The following MYOF variants were observed in gnomAD, a reference collection of about 807,000 sequenced individuals.
The protein encoded by MYOF is myoferlin.
In MYOF, 244 loss-of-function variants were observed where a neutral mutation model predicts 284.2. The ratio of observed to expected loss-of-function variants is 0.86; its 90% CI spans 0.77 to 0.95. The LOEUF is 0.95. Ranked by LOEUF, MYOF falls within the 40% of genes least tolerant of loss-of-function variation. The pLI is 0.00. For synonymous variants in MYOF, 904 were observed against 919.7 expected (o/e 0.98, Z 0.31); for missense variants, 2,496 against 2,560.6 (o/e 0.97, Z 0.54).
chr10:93,313,186 T>C lies in MYOF; in HGVS notation c.5723A>G (p.His1908Arg). The change falls in exon 51 of 54, where the codon CAC becomes CGC. Residue 1908 changes from histidine (H) to arginine (R), a missense_variant. Physicochemically the swap from His to Arg is conservative, Grantham distance 29. Around this residue, in one of 3 missense-constraint regions of MYOF, gnomAD observed 2,436 missense variants for 2,480.7 expected, o/e 0.98. Transcript: ENST00000359263. ...TGGTGATTTTGCAGGAATGATCGTG[T>C]GACGCAAGTCAAGTTCTAGGAAACC... is the stretch of plus-strand genomic sequence containing the variant. The part of the protein sequence containing the change: ...YLGFLELDLR[H>R]TIIPAKSPEK... The C allele has an allele frequency of 6.2e-7, 1 of 1,613,710 alleles. No homozygotes were observed. The highest frequency in any genetic ancestry group is 8.5e-7 in the Non-Finnish European group (1 of 1,179,864).
Position 93,306,878 on chromosome 10 carries a change from GAC to G in MYOF, c.*83_*84del, listed in dbSNP as rs1386123835. On this transcript the variant is annotated 3_prime_UTR_variant, in exon 54 of 54. Transcript: ENST00000359263. ...AACCTGCTACTGGGGTGTGGTCTCA[GAC>G]ACAAAATCACACTGGATGTTGGTCT... is the stretch of plus-strand genomic sequence containing the variant. 1 of 1,417,010 alleles carries G rather than the reference GAC, an allele frequency of 7.1e-7. No individual in the cohort carries two copies. The highest frequency in any genetic ancestry group is 1.4e-5 in the African/African-American group (1 of 70,480). The allele number at this position is 1,417,010 out of a possible 1,614,324, so 87.8% of individuals were successfully genotyped here. A position where few individuals can be genotyped will look rare whatever the true frequency, so the allele number is the denominator to read the frequency against.
rs1844654608 is a variant in MYOF, at chr10:93,353,882, T to C, written c.3410A>G (p.Tyr1137Cys). The C allele has an allele frequency of 6.2e-7, 1 of 1,605,044 alleles. No individual in the cohort carries two copies. Among genetic ancestry groups the C allele is most frequent in the African/African-American group, 1.3e-5 (1 of 74,618 alleles). Residue 1137 changes from tyrosine to cysteine, a missense_variant, in exon 32 of 54, where the codon TAC becomes TGC. This residue lies in a region of MYOF where 2,436 missense variants were observed against 2,480.7 expected (regional missense o/e 0.98). Coordinates refer to ENST00000359263, the MANE Select transcript of MYOF (RefSeq NM_013451.4). Reference protein sequence around the residue: ...PIVSCNFDRVYIYHLRCYVYQ... With the variant: ...PIVSCNFDRVCIYHLRCYVYQ... ...GACATAGCAGCGCAGATGGTAGATG[T>C]AGACTCCTAAAAAAACAGGATAAAG...
At chr10:93,373,716 T>C (rs1010414323) in intron 23 of MYOF, among the ~76,000 whole-genome samples, 1 of 152,182 alleles carries the variant, frequency 6.6e-6, no homozygotes, top group African/African-American at 2.4e-5. Context: ...CACAAATATA[T>C]GACTACCTAC....
At chr10:93,360,599 T>C (rs1287994199) in intron 28 of MYOF, among the ~76,000 whole-genome samples, 6 of 152,264 alleles carry the variant, frequency 3.9e-5, no homozygotes, top group African/African-American at 1.2e-4. Flanking sequence ...GCCAGTTCTA[T>C]GCACCATGCA....
At chr10:93,383,148 C>T (rs1044893748) in intron 19 of MYOF, among the ~76,000 whole-genome samples, 14 of 152,126 alleles carry the variant, frequency 9.2e-5, no homozygotes, top group African/African-American at 2.2e-4. Flanking sequence ...CTGCCTGCCT[C>T]GGCCTCCCAA....
chr10:93,399,279 G>T, intron 13 of MYOF, 113 bp downstream of exon 13: 1 of 748,244 alleles, frequency 1.3e-6, no homozygotes, highest in Non-Finnish European at 2.2e-6. Context: ...CAGAGTGCCT[G>T]GCTCATCAGG....
At chr10:93,455,469 A>G (rs1261337083) in intron 2 of MYOF, among the ~76,000 whole-genome samples, 1 of 151,928 alleles carries the variant, frequency 6.6e-6, no homozygotes, top group African/African-American at 2.4e-5. Flanking sequence ...GGAGTTGAAG[A>G]CCAGCCTGGG....
At chr10:93,399,069 G>A (rs34972411) in intron 13 of MYOF, among the ~76,000 whole-genome samples, 10,555 of 152,186 alleles carry the variant, frequency 0.069, 456 homozygotes, top group African/African-American at 0.11. Flanking sequence ...CCAGGGATGG[G>A]TGTGGCTGGC....
At chr10:93,359,778 T>C in intron 29 of MYOF, 55 bp downstream of exon 29, 1 of 1,603,592 alleles carries the variant, frequency 6.2e-7, no homozygotes, top group Non-Finnish European at 8.5e-7. Context: ...GCTGGGACTT[T>C]GTAGTCAGGA....
intron 51 of MYOF, among the ~76,000 whole-genome samples, chr10:93,311,472 A>AG (rs1047536781): frequency 2.7e-5 from 4 of 150,876 alleles, no homozygotes; most frequent in Non-Finnish European, 4.4e-5. Context: ...AAAAAAAAAA[A>AG]TTAGCCAGCA....
At chr10:93,385,867 C>A (rs1257795766) in intron 19 of MYOF, among the ~76,000 whole-genome samples, 2 of 148,954 alleles carry the variant, frequency 1.3e-5, no homozygotes, top group East Asian at 3.9e-4. Flanking sequence ...TGCTTTTACA[C>A]TAAATTAATG....
chr10:93,337,353 T>G (rs749958554), intron 40 of MYOF, among the ~76,000 whole-genome samples: 5 of 152,110 alleles, frequency 3.3e-5, no homozygotes, highest in Non-Finnish European at 5.9e-5. Flanking sequence ...CTTGTCTTCC[T>G]GCTGTATACA....
intron 16 of MYOF, among the ~76,000 whole-genome samples, chr10:93,393,931 T>C (rs1048054133): frequency 2.6e-5 from 4 of 152,228 alleles, no homozygotes; most frequent in African/African-American, 7.2e-5. Context: ...CTAGCAACCA[T>C]ATAAATATTC....
intron 46 of MYOF, among the ~76,000 whole-genome samples, chr10:93,325,515 A>G (rs1007960497): frequency 7.2e-5 from 11 of 152,288 alleles, no homozygotes; most frequent in African/African-American, 2.4e-4. Flanking sequence ...GACTCTCTGT[A>G]ATATCTGGAC....
At chr10:93,414,628 C>G (rs1848041595) in intron 5 of MYOF, among the ~76,000 whole-genome samples, 1 of 152,150 alleles carries the variant, frequency 6.6e-6, no homozygotes, top group African/African-American at 2.4e-5. Context: ...ACCCTGTTTC[C>G]AAATAAGGTC....
At chr10:93,453,142 G>A (rs1364958211) in intron 2 of MYOF, among the ~76,000 whole-genome samples, 1 of 149,990 alleles carries the variant, frequency 6.7e-6, no homozygotes, top group African/African-American at 2.5e-5. Flanking sequence ...AGTAGCTGGG[G>A]ATTACAGGTG....
At chr10:93,470,089 CATG>C in intron 1 of MYOF, among the ~76,000 whole-genome samples, 4 of 151,786 alleles carry the variant, frequency 2.6e-5, no homozygotes, top group African/African-American at 9.7e-5. Flanking sequence ...ATTAGCCAAG[CATG>C]ATGGTGCGCA....
intron 45 of MYOF, 121 bp from the exon 46 acceptor site, chr10:93,326,086 A>T: frequency 7.8e-7 from 1 of 1,274,856 alleles, no homozygotes; most frequent in East Asian, 2.3e-5. Flanking sequence ...CAGTGCCAAC[A>T]TGCAAACTTT....
chr10:93,380,812 A>G (rs546028638), intron 20 of MYOF, among the ~76,000 whole-genome samples: 165 of 152,342 alleles, frequency 1.1e-3, no homozygotes, highest in Non-Finnish European at 2.1e-3. Flanking sequence ...CAGAGTGAAG[A>G]CCAGAAGCAT....
Sources: gnomAD v4.1 joint callset for allele counts (sites outside exome capture counted in the v4.1 genomes callset) on GRCh38, gnomAD v4.1.1 for gene constraint, gnomAD v4.1.1 regional missense constraint, MANE v1.5 for transcripts, NCBI Gene and HGNC (gene_info 2026-07-23, HGNC 2026-07-21) for gene names.